PKD2L2: variants seen among roughly 807,000 people sequenced by gnomAD.
PKD2L2 encodes polycystin-2-like protein 2.
Under a neutral mutation model 83.9 loss-of-function variants are expected in PKD2L2, and 67 were observed. The observed-to-expected ratio is 0.80, with a 90% confidence interval of 0.66 to 0.98. PKD2L2 has a LOEUF of 0.98. Among genes scored for constraint, PKD2L2 ranks in the 50% least tolerant of loss-of-function variants. PKD2L2 has a pLI of 0.00. For synonymous variants in PKD2L2, 223 were observed against 237.8 expected (o/e 0.94, Z 0.57); for missense variants, 632 against 717.2 (o/e 0.88, Z 1.36).
At chr5:137,923,240 T>G (rs1561700089) in intron 9 of PKD2L2, among the ~76,000 whole-genome samples, 180 bp from the exon 10 acceptor site, 1 of 152,148 alleles carries the variant, frequency 6.6e-6, no homozygotes, top group Non-Finnish European at 1.5e-5. Context: ...GATCTTGAAC[T>G]CCTGTCCTCA....
At chr5:137,924,952 G>A (rs1229518175) in intron 10 of PKD2L2, 88 bp from the exon 11 acceptor site, 2 of 799,300 alleles carry the variant, frequency 2.5e-6, no homozygotes, top group African/African-American at 1.7e-5. Context: ...AGAGGGACAA[G>A]CATTCCATAT....
At position 137,921,658 on chromosome 5, in the gene PKD2L2, C is replaced by A. The variant is rs1000703164; in HGVS notation, c.1351C>A (p.Leu451Ile). ...NSIFAQFRIVLGDFNFAGIQQ... is the reference protein window; with the variant it reads ...NSIFAQFRIVIGDFNFAGIQQ... ...AAGATTTGCACAATTTCGAATTGTT[C>A]TTGGAGATTTTAATTTTGCTGGTAT... Residue 451 changes from leucine to isoleucine, a missense_variant, in exon 9 of 15, where the codon CTT (leucine) becomes ATT (isoleucine). Leu to Ile is a conservative substitution (Grantham distance 5). Coordinates refer to ENST00000508883, the MANE Select transcript of PKD2L2 (RefSeq NM_001300921.2). The A allele has an allele frequency of 2.0e-5, 32 of 1,595,192 alleles. No individual in the cohort carries two copies. The Middle Eastern group carries it at 8.3e-4, about 41-fold the overall frequency.
intron 13 of PKD2L2, 128 bp downstream of exon 13, chr5:137,936,037 C>T (rs1185711842): frequency 1.5e-6 from 1 of 670,058 alleles, no homozygotes; most frequent in Non-Finnish European, 2.6e-6. Context: ...TACTTTCTAT[C>T]CAGTTTTAAA....
chr5:137,938,312 AAAG>A (rs1760733142), intron 14 of PKD2L2: 1 of 152,616 alleles, frequency 6.6e-6, no homozygotes, highest in Non-Finnish European at 1.5e-5. Context: ...TTAGCATTAT[AAAG>A]AAGGAATATA....
In PKD2L2 at chr5:137,889,458, G is replaced by C. The variant is rs763266368; in HGVS notation, c.-34G>C. On this transcript the variant is annotated 5_prime_UTR_variant, in exon 1 of 15. Coordinates refer to ENST00000508883, the MANE Select transcript of PKD2L2 (RefSeq NM_001300921.2). ...CTAGCGCGCAAGCGCCGCGGCCTCA[G>C]GCGAACGAACGGGCGGTGTAGTGCA... 2.3e-5 allele frequency: 36 copies of C among 1,585,988 alleles called. 1 individual carries two copies. Among genetic ancestry groups the C allele is most frequent in the Non-Finnish European group, 3.1e-5 (36 of 1,168,418 alleles).
chr5:137,929,534 CAAAAAA>C lies in PKD2L2; in HGVS notation c.1671+3625_1671+3630del, dbSNP rs756601170. 4.9e-3 allele frequency among the ~76,000 whole-genome samples: 17 copies of C among 3,442 alleles called. 1 individual carries two copies. The highest frequency in any genetic ancestry group is 6.8e-3 in the Non-Finnish European group (14 of 2,074). 2.3% of individuals were successfully genotyped at this position (3,442 alleles called of 152,430 possible). On this transcript the variant is annotated intron_variant, in intron 12 of 14. Coordinates refer to ENST00000508883, the MANE Select transcript of PKD2L2 (RefSeq NM_001300921.2). The stretch of plus-strand genomic sequence containing the variant: ...ATATATTTCTATAGGACAAAATTGC[CAAAAAA>C]AAAAAAAAAAAAAAAAAAACAGACC...
At chr5:137,914,951 C>CTT (rs1255190475) in intron 8 of PKD2L2, among the ~76,000 whole-genome samples, 2 of 152,090 alleles carry the variant, frequency 1.3e-5, no homozygotes, top group Admixed American at 1.3e-4. Context: ...TTGAACCATC[C>CTT]TTGCATTGTA....
intron 8 of PKD2L2, among the ~76,000 whole-genome samples, chr5:137,910,390 G>C (rs1418861757): frequency 6.6e-6 from 1 of 151,982 alleles, no homozygotes; most frequent in Non-Finnish European, 1.5e-5. Flanking sequence ...AACAGGTAGA[G>C]AACTTTGAAA....
intron 1 of PKD2L2, 95 bp downstream of exon 1, chr5:137,889,617 G>T: frequency 9.0e-7 from 1 of 1,109,904 alleles, no homozygotes; most frequent in Non-Finnish European, 1.2e-6. Flanking sequence ...TCGTTTGAGA[G>T]ATGTGACTGC....
chr5:137,942,467 C>A lies in PKD2L2; in HGVS notation c.*101C>A. On this transcript the variant is annotated 3_prime_UTR_variant, in exon 15 of 15. Transcript: ENST00000508883. ...TCCTCCAAACAGAGAATCAAGTGAT[C>A]CTCTTGCCTCAGCCTCCCAAGTATC... 4.8e-6 allele frequency: 1 copy of A among 209,340 alleles called. No individual in the cohort carries two copies. The highest frequency in any genetic ancestry group is 1.0e-4 in the South Asian group (1 of 9,844). 13.0% of individuals were successfully genotyped at this position (209,340 alleles called of 1,614,324 possible).
chr5:137,921,788 A>G, intron 9 of PKD2L2, 32 bp downstream of exon 9: 1 of 1,484,912 alleles, frequency 6.7e-7, no homozygotes, highest in Non-Finnish European at 9.2e-7. Flanking sequence ...TTCATTTCTT[A>G]CTTTTTAGAA....
chr5:137,935,472 A>G (rs1581004469), intron 12 of PKD2L2, among the ~76,000 whole-genome samples: 1 of 152,386 alleles, frequency 6.6e-6, no homozygotes, highest in South Asian at 2.1e-4. Flanking sequence ...AGGTACAGAA[A>G]GAACATCTTA....
chr5:137,933,050 C>CAA (rs34015851), intron 12 of PKD2L2, among the ~76,000 whole-genome samples: 19,075 of 122,490 alleles, frequency 0.16, 1,518 homozygotes, highest in Non-Finnish European at 0.19. Context: ...CAAAACAAAC[C>CAA]AAAAAAAAAA....
chr5:137,907,975 T>A, intron 7 of PKD2L2, 63 bp downstream of exon 7: 2 of 740,440 alleles, frequency 2.7e-6, no homozygotes, highest in Non-Finnish European at 4.0e-6. Flanking sequence ...AAAATTAAAC[T>A]AAAAAGCCAT....
chr5:137,892,550 T>G lies in PKD2L2; in HGVS notation c.204T>G (p.Thr68=). The change falls in exon 3 of 15, where the codon ACT becomes ACG. Residue 68 remains threonine, a synonymous_variant. Transcript: ENST00000508883. ...NKVMSSLFLD[T]SVPGEERTNF... ...TTATGTCATCTCTATTTTTGGACAC[T>G]TCTGTGCCTGGTGAAGAAAGAACCA... 4 of 1,612,052 alleles carry G rather than the reference T, an allele frequency of 2.5e-6. No homozygotes were observed. Among genetic ancestry groups the G allele is most frequent in the Non-Finnish European group, 3.4e-6 (4 of 1,178,814 alleles).
Position 137,936,549 on chromosome 5 carries a change from G to A in PKD2L2, c.*17+122G>A, listed in dbSNP as rs894356078. ...CGGCTCACTGCAAACTCCACCTCCC[G>A]GGTTCAAGCGATTCTCCTGCCTCAG... On this transcript the variant is annotated intron_variant, in intron 14 of 14. Coordinates refer to ENST00000508883, the MANE Select transcript of PKD2L2 (RefSeq NM_001300921.2). 6.7e-5 allele frequency: 43 copies of A among 642,640 alleles called. No homozygotes were observed. The Middle Eastern group carries it at 1.4e-3, about 21-fold the overall frequency. 39.8% of individuals were successfully genotyped at this position (642,640 alleles called of 1,614,324 possible).
At position 137,894,523 on chromosome 5, in the gene PKD2L2, T is replaced by A; in HGVS notation, c.438T>A (p.Ser146=). The part of the protein sequence containing the change: ...VRNNTCKVYS[S]FQSLMSECYG... ...ACAACACATGCAAAGTCTATTCATC[T>A]TTTCAGTCTTTGATGAGTGAATGTT... Residue 146 remains serine, a synonymous_variant, in exon 4 of 15, where the codon TCT becomes TCA. Coordinates refer to ENST00000508883, the MANE Select transcript of PKD2L2 (RefSeq NM_001300921.2). The A allele has an allele frequency of 3.7e-6, 6 of 1,613,606 alleles. No homozygotes were observed. The highest frequency in any genetic ancestry group is 5.1e-6 in the Non-Finnish European group (6 of 1,179,514).
At chr5:137,903,758 AT>A (rs1190847883) in intron 5 of PKD2L2, among the ~76,000 whole-genome samples, 1 of 152,018 alleles carries the variant, frequency 6.6e-6, no homozygotes, top group Non-Finnish European at 1.5e-5. Flanking sequence ...TTATTTTTTT[AT>A]TTTTAATTTA....
At chr5:137,939,028 G>A (rs529239548) in intron 14 of PKD2L2, 2 of 152,160 alleles carry the variant, frequency 1.3e-5, no homozygotes, top group South Asian at 2.1e-4. Context: ...GAATGATACC[G>A]AGACAGTACC....
Sources: gnomAD v4.1 joint callset for allele counts (sites outside exome capture counted in the v4.1 genomes callset) on GRCh38, gnomAD v4.1.1 for gene constraint, MANE v1.5 for transcripts, NCBI Gene and HGNC (gene_info 2026-07-23, HGNC 2026-07-21) for gene names.